Variants in ERCC6L2 observed in about 807,000 individuals in gnomAD.
The protein encoded by ERCC6L2 is DNA excision repair protein ERCC-6-like 2.
In ERCC6L2, 77 loss-of-function variants were observed where a neutral mutation model predicts 132.0. The ratio of observed to expected loss-of-function variants is 0.58; its 90% CI spans 0.49 to 0.71. The LOEUF (loss-of-function observed/expected upper bound fraction) is 0.71. ERCC6L2 is among the 30% of genes least tolerant of loss of function. The probability of loss-of-function intolerance (pLI) is 0.00; values close to 1 mark genes in which losing one functional copy is unlikely to be tolerated. For missense variants in ERCC6L2, 1,542 were observed against 1,837.6 expected (o/e 0.84, Z 2.94); for synonymous variants, 583 against 632.4 (o/e 0.92, Z 1.17).
At chr9:95,897,408 C>T (rs1412356372) in intron 2 of ERCC6L2, among the ~76,000 whole-genome samples, 1 of 152,028 alleles carries the variant, frequency 6.6e-6, no homozygotes, top group Non-Finnish European at 1.5e-5. Flanking sequence ...AACATTTTTC[C>T]ATTTCACCTA....
intron 2 of ERCC6L2, among the ~76,000 whole-genome samples, chr9:95,894,980 G>A (rs567620322): frequency 1.1e-4 from 16 of 152,226 alleles, no homozygotes; most frequent in African/African-American, 3.4e-4. Context: ...GCAAATATTC[G>A]TTAGGTGAAG....
In ERCC6L2 at chr9:96,016,362, T is replaced by C. The variant is rs1482502999; in HGVS notation, c.*3159T>C. 2.6e-5 allele frequency among the ~76,000 whole-genome samples: 4 copies of C among 152,214 alleles called. No individual in the cohort carries two copies. The highest frequency in any genetic ancestry group is 4.4e-5 in the Non-Finnish European group (3 of 68,038). On this transcript the variant is annotated 3_prime_UTR_variant, in exon 19 of 19. Transcript: ENST00000653738. ...AGATGAGATCATTTCTAAGAAAACC[T>C]TTCAACTTTGTTTCCATGATGCTAC...
Position 96,014,505 on chromosome 9 carries a change from G to A in ERCC6L2, c.*1302G>A, listed in dbSNP as rs1383146494. The A allele has an allele frequency of 6.6e-6, 1 of 152,174 alleles. No individual in the cohort carries two copies. Among genetic ancestry groups the A allele is most frequent in the Admixed American group, 6.5e-5 (1 of 15,276 alleles). 9.4% of individuals were successfully genotyped at this position (152,174 alleles called of 1,614,324 possible). A position where few individuals can be genotyped will look rare whatever the true frequency, so the allele number is the denominator to read the frequency against. On this transcript the variant is annotated 3_prime_UTR_variant, in exon 19 of 19. Coordinates refer to ENST00000653738, the MANE Select transcript of ERCC6L2 (RefSeq NM_020207.7). ...TAGAGAATTGTAAAATTTATGTCAT[G>A]ACTCAGTACATATGTGTTCGTACAT...
intron 4 of ERCC6L2, among the ~76,000 whole-genome samples, chr9:95,913,652 A>G (rs565998669): frequency 6.6e-6 from 1 of 152,310 alleles, no homozygotes; most frequent in East Asian, 1.9e-4. Flanking sequence ...TTATTTGTCT[A>G]TAGTCAGTCC....
chr9:95,887,564 A>G (rs1444189675), intron 2 of ERCC6L2, among the ~76,000 whole-genome samples: 1 of 152,184 alleles, frequency 6.6e-6, no homozygotes, highest in East Asian at 1.9e-4. Context: ...CAGAGATAGA[A>G]TTTTGCAAAG....
rs1056506872 is a variant in ERCC6L2 at position 95,875,908 on chromosome 9, C to G, written c.-131C>G. The stretch of plus-strand genomic sequence containing the variant: ...CCTCCATCCTGTGGCTTCGGGTTGC[C>G]GAAGAGCGATGCTCGGAGGGCGGCC... On this transcript the variant is annotated 5_prime_UTR_variant, in exon 1 of 19. Transcript: ENST00000653738. 1.0e-5 allele frequency: 10 copies of G among 985,112 alleles called. No homozygotes were observed. The highest frequency in any genetic ancestry group is 4.3e-5 in the Admixed American group (2 of 46,898). The allele number at this position is 985,112 out of a possible 1,614,324, so 61.0% of individuals were successfully genotyped here.
intron 12 of ERCC6L2, among the ~76,000 whole-genome samples, chr9:95,942,064 C>T (rs567946749): frequency 5.3e-5 from 8 of 152,166 alleles, no homozygotes; most frequent in Middle Eastern, 3.4e-3. Context: ...AGAGATTGGC[C>T]GTAACAGGTA....
intron 6 of ERCC6L2, among the ~76,000 whole-genome samples, chr9:95,919,747 T>C (rs1829773428): frequency 1.3e-5 from 2 of 152,220 alleles, no homozygotes; most frequent in African/African-American, 4.8e-5. Context: ...CAGATGTGCA[T>C]GACTTCACAG....
chr9:96,008,161 A>G (rs1228733543), intron 18 of ERCC6L2, among the ~76,000 whole-genome samples: 1 of 152,008 alleles, frequency 6.6e-6, no homozygotes, highest in Non-Finnish European at 1.5e-5. Flanking sequence ...TTTTTTCCCT[A>G]AGTTTGCATG....
At chr9:95,970,492 T>G in intron 14 of ERCC6L2, 84 bp from the exon 15 acceptor site, 1 of 678,394 alleles carries the variant, frequency 1.5e-6, no homozygotes, top group South Asian at 2.4e-5. Flanking sequence ...GCTCCAAGAA[T>G]AGCATGCATT....
intron 13 of ERCC6L2, among the ~76,000 whole-genome samples, chr9:95,958,391 A>C (rs1486817609): frequency 6.6e-6 from 1 of 152,150 alleles, no homozygotes; most frequent in Non-Finnish European, 1.5e-5. Context: ...TGGCTGGGTC[A>C]AATGGTATTT....
chr9:95,915,612 A>G (rs761074662), intron 4 of ERCC6L2, 56 bp from the exon 5 acceptor site: 21 of 1,501,784 alleles, frequency 1.4e-5, no homozygotes, highest in Non-Finnish European at 1.7e-5. Flanking sequence ...CTAAAATTGT[A>G]AGGACTAAGA....
intron 1 of ERCC6L2, 72 bp downstream of exon 1, chr9:95,876,156 G>GC: frequency 6.9e-7 from 1 of 1,443,432 alleles, no homozygotes; most frequent in Admixed American, 2.0e-5. Flanking sequence ...TCTTGCCGGT[G>GC]CCCTTCGGGT....
intron 17 of ERCC6L2, among the ~76,000 whole-genome samples, chr9:95,986,497 C>CTTTT (rs57381408): frequency 1.7e-5 from 2 of 116,214 alleles, no homozygotes; most frequent in African/African-American, 3.3e-5. Context: ...TATCTCTCTC[C>CTTTT]TTTTTTTTTT....
intron 16 of ERCC6L2, among the ~76,000 whole-genome samples, chr9:95,974,330 A>G (rs963525802): frequency 6.6e-6 from 1 of 152,186 alleles, no homozygotes; most frequent in Non-Finnish European, 1.5e-5. Flanking sequence ...TAAACTAAAT[A>G]TGTCTATATG....
chr9:95,918,316 G>A, intron 6 of ERCC6L2: 1 of 396,852 alleles, frequency 2.5e-6, no homozygotes, highest in Non-Finnish European at 5.0e-6. Context: ...TCTTGAAGAT[G>A]CAAAAAAGAG....
chr9:95,935,984 G>A (rs766889131), intron 11 of ERCC6L2, among the ~76,000 whole-genome samples: 1 of 152,124 alleles, frequency 6.6e-6, no homozygotes, highest in Non-Finnish European at 1.5e-5. Flanking sequence ...TGTAATGTGA[G>A]AATGGGCATG....
intron 17 of ERCC6L2, among the ~76,000 whole-genome samples, chr9:95,992,802 G>A (rs1016888449): frequency 1.3e-5 from 2 of 152,118 alleles, no homozygotes; most frequent in Admixed American, 6.5e-5. Context: ...GCAGCAGTGG[G>A]TGCCTGCCAA....
chr9:95,924,067 G>A (rs1240809220), intron 9 of ERCC6L2, among the ~76,000 whole-genome samples: 1 of 152,130 alleles, frequency 6.6e-6, no homozygotes, highest in Non-Finnish European at 1.5e-5. Context: ...TAACCCCTTA[G>A]TGTCTATCAA....
Sources: gnomAD v4.1 joint callset for allele counts (sites outside exome capture counted in the v4.1 genomes callset) on GRCh38, gnomAD v4.1.1 for gene constraint, MANE v1.5 for transcripts, NCBI Gene and HGNC (gene_info 2026-07-23, HGNC 2026-07-21) for gene names.